The following PDK1 variants were observed in gnomAD, a reference collection of about 807,000 sequenced individuals.
PDK1 encodes the protein pyruvate dehydrogenase kinase 1.
PDK1 carries 39 observed loss-of-function variants against 54.2 expected under a neutral mutation model. The observed-to-expected ratio is 0.72, with a 90% CI of 0.56 to 0.94. The LOEUF (loss-of-function observed/expected upper bound fraction) is 0.94, where lower values mean the gene tolerates loss of function less well. Among genes scored for constraint, PDK1 ranks in the 40% least tolerant of loss-of-function variants. The probability of loss-of-function intolerance (pLI) is 0.00; values close to 1 mark genes in which losing one functional copy is unlikely to be tolerated. For synonymous variants in PDK1, 221 were observed against 207.1 expected, an observed-to-expected ratio of 1.07 and a Z score of -0.58; for missense variants, 552 against 566.0, an observed-to-expected ratio of 0.98 and a Z score of 0.25.
In PDK1 at chr2:172,603,298, T is replaced by C. The variant is rs1691176535; in HGVS notation, c.*7329T>C. On this transcript the variant is annotated 3_prime_UTR_variant, in exon 11 of 11. Transcript: ENST00000282077. ...GTACTTAAAAAAGATAAGAAGGATC[T>C]ATTCCTGATATACAGGGTACTTGGT... 6.6e-6 allele frequency: 1 copy of C among 152,210 alleles called. No homozygotes were observed. Among genetic ancestry groups the C allele is most frequent in the Admixed American group, 6.5e-5 (1 of 15,280 alleles). 9.4% of individuals were successfully genotyped at this position (152,210 alleles called of 1,614,324 possible). A position where few individuals can be genotyped will look rare whatever the true frequency, so the allele number is the denominator to read the frequency against.
At chr2:172,594,266 C>G (rs558766984) in intron 10 of PDK1, among the ~76,000 whole-genome samples, 2 of 152,210 alleles carry the variant, frequency 1.3e-5, no homozygotes, top group African/African-American at 4.8e-5. Flanking sequence ...CTCAGGTGAT[C>G]CGCTTGCCTT....
At chr2:172,583,377 A>C (rs903399144) in intron 8 of PDK1, among the ~76,000 whole-genome samples, 2 of 139,860 alleles carry the variant, frequency 1.4e-5, no homozygotes, top group African/African-American at 2.7e-5. Flanking sequence ...GCTCACTGCA[A>C]CCTCCTCCTG....
intron 1 of PDK1, 106 bp downstream of exon 1, chr2:172,556,452 A>T (rs1688330369): frequency 1.3e-5 from 10 of 759,752 alleles, no homozygotes; most frequent in Non-Finnish European, 1.9e-5. Context: ...CCTGAGGCGC[A>T]CCCCTCCTCC....
chr2:172,617,045 G>A, the PDK1 span, among the ~76,000 whole-genome samples: 1 of 152,160 alleles, frequency 6.6e-6, no homozygotes, highest in African/African-American at 2.4e-5. Context: ...CACCTCCTGG[G>A]TTCAAGCGAT....
At chr2:172,683,566 G>T in the PDK1 span, among the ~76,000 whole-genome samples, 12 of 152,258 alleles carry the variant, frequency 7.9e-5, no homozygotes, top group South Asian at 2.5e-3. Flanking sequence ...TCATCTCCAA[G>T]TGAAGATGTT....
the PDK1 span, among the ~76,000 whole-genome samples, chr2:172,694,887 C>T: frequency 1.2e-4 from 18 of 152,164 alleles, no homozygotes; most frequent in African/African-American, 2.4e-4. Context: ...TAGACCAAGG[C>T]GGGTGGATCA....
downstream of PDK1, among the ~76,000 whole-genome samples, chr2:172,610,651 C>T (rs1240422728): frequency 6.6e-6 from 1 of 152,100 alleles, no homozygotes; most frequent in East Asian, 1.9e-4. Flanking sequence ...CACTCTCTTG[C>T]ACAGGCTGGA....
At chr2:172,669,145 C>A in the PDK1 span, among the ~76,000 whole-genome samples, 1 of 150,124 alleles carries the variant, frequency 6.7e-6, no homozygotes, top group Non-Finnish European at 1.5e-5. Context: ...CTGCAAGCTC[C>A]GCCTCCCGGG....
At chr2:172,671,456 G>A in the PDK1 span, among the ~76,000 whole-genome samples, 1 of 148,164 alleles carries the variant, frequency 6.7e-6, no homozygotes, top group Non-Finnish European at 1.5e-5. Context: ...GTATCTGTAA[G>A]TTAATGCTTT....
At chr2:172,722,379 C>A in the PDK1 span, among the ~76,000 whole-genome samples, 1 of 152,232 alleles carries the variant, frequency 6.6e-6, no homozygotes, top group Non-Finnish European at 1.5e-5. Context: ...ACCTGGTCAA[C>A]CTGCTCTGAT....
the PDK1 span, among the ~76,000 whole-genome samples, chr2:172,668,872 T>TACACACACACACACACAC: frequency 9.0e-6 from 1 of 111,616 alleles, no homozygotes; most frequent in African/African-American, 3.4e-5. Context: ...TGTATGTATG[T>TACACACACACACACACAC]ACACACACAC....
Position 172,556,203 on chromosome 2 carries a change from G to A in PDK1, c.53G>A (p.Gly18Glu), listed in dbSNP as rs759012187. The A allele has an allele frequency of 3.5e-6, 5 of 1,417,816 alleles. No homozygotes were observed. The highest frequency in any genetic ancestry group is 9.1e-7 in the Non-Finnish European group (1 of 1,093,852). 87.8% of individuals were successfully genotyped at this position (1,417,816 alleles called of 1,614,324 possible). ...GCCGCCTTGGCCGGCCCGGGCCCGG[G>A]GCTGCGCGCCGCCGGCTTCAGCCGC... ...RGAALAGPGP[G>E]LRAAGFSRSF... The change falls in exon 1 of 11, where the codon GGG (glycine) becomes GAG (glutamate). Residue 18 changes from glycine (G) to glutamate (E), a missense_variant. By Grantham distance (98) the Gly-to-Glu change is moderately conservative. Coordinates refer to ENST00000282077, the MANE Select transcript of PDK1 (RefSeq NM_002610.5).
At chr2:172,688,062 A>G in the PDK1 span, among the ~76,000 whole-genome samples, 1 of 152,202 alleles carries the variant, frequency 6.6e-6, no homozygotes, top group Non-Finnish European at 1.5e-5. Context: ...GGCAATTGGG[A>G]CTACTTTTGC....
intron 8 of PDK1, among the ~76,000 whole-genome samples, chr2:172,578,419 T>G (rs1430003299): frequency 6.6e-6 from 1 of 152,232 alleles, no homozygotes; most frequent in Non-Finnish European, 1.5e-5. Flanking sequence ...ATATCTATCC[T>G]GTTTTTTTCA....
intron 3 of PDK1, 125 bp downstream of exon 3, chr2:172,562,416 G>T: frequency 1.5e-6 from 1 of 677,066 alleles, no homozygotes; most frequent in Non-Finnish European, 2.6e-6. Context: ...GCCCATACAG[G>T]CAGGACAAAT....
At position 172,595,820 on chromosome 2, in the gene PDK1, CTT is replaced by C; in HGVS notation, c.1171-5_1171-4del. ...CAGACTTAATAGGTCTTAGGTTTTT[CTT>C]TTTCAGGCTCTGTCAACAGACTCAA... On this transcript the variant is annotated splice_region_variant and splice_polypyrimidine_tract_variant and intron_variant, in intron 10 of 10. Coordinates refer to ENST00000282077, the MANE Select transcript of PDK1 (RefSeq NM_002610.5). The C allele has an allele frequency of 1.9e-6, 3 of 1,611,582 alleles. No homozygotes were observed. Among genetic ancestry groups the C allele is most frequent in the Non-Finnish European group, 2.5e-6 (3 of 1,178,744 alleles).
intron 2 of PDK1, among the ~76,000 whole-genome samples, chr2:172,559,327 G>C (rs1260815116): frequency 1.3e-5 from 2 of 152,182 alleles, no homozygotes; most frequent in African/African-American, 4.8e-5. Context: ...GCCCTGAATC[G>C]TGGACTCCAC....
chr2:172,718,164 T>C, the PDK1 span, among the ~76,000 whole-genome samples: 24 of 152,218 alleles, frequency 1.6e-4, no homozygotes, highest in African/African-American at 5.8e-4. Context: ...ATCATAAAAA[T>C]TCCATTTGAA....
the PDK1 span, among the ~76,000 whole-genome samples, chr2:172,668,906 T>TATATATAG: frequency 7.7e-6 from 1 of 130,650 alleles, no homozygotes; most frequent in Non-Finnish European, 1.6e-5. Context: ...TATATATATA[T>TATATATAG]AGAGAGAGAG....
Sources: allele counts gnomAD v4.1 joint callset (sites outside exome capture counted in the v4.1 genomes callset), GRCh38; gene constraint gnomAD v4.1.1; transcripts MANE v1.5; gene names NCBI Gene and HGNC (gene_info 2026-07-23, HGNC 2026-07-21).